ANKRD44: variants seen among roughly 807,000 people sequenced by gnomAD.
ANKRD44 encodes the protein ankyrin repeat domain 44.
A neutral mutation model predicts 116.0 loss-of-function variants in ANKRD44; 35 were observed. That is an observed-to-expected ratio of 0.30 (90% confidence interval 0.23 to 0.40). The LOEUF is 0.40. Ranked by LOEUF, ANKRD44 falls within the 10% of genes least tolerant of loss-of-function variation. The probability of loss-of-function intolerance (pLI) is 1.00; values close to 1 mark genes in which losing one functional copy is unlikely to be tolerated. For missense variants in ANKRD44, 1,014 were observed against 1,242.6 expected (o/e 0.82, Z 2.77); for synonymous variants, 435 against 461.8 (o/e 0.94, Z 0.74).
chr2:197,207,759 G>GA (rs1209654714), intron 1 of ANKRD44, among the ~76,000 whole-genome samples: 2 of 151,954 alleles, frequency 1.3e-5, no homozygotes, highest in Admixed American at 6.5e-5. Context: ...AAATGTTATA[G>GA]AAAAAAGGAA....
chr2:196,998,545 T>A, intron 24 of ANKRD44, 126 bp from the exon 25 acceptor site: 4 of 751,570 alleles, frequency 5.3e-6, no homozygotes, highest in Admixed American at 2.8e-5. Flanking sequence ...TTTAATGTAT[T>A]TAAAGAAAAA....
intron 16 of ANKRD44, among the ~76,000 whole-genome samples, chr2:197,028,198 C>G (rs1476018674): frequency 6.6e-6 from 1 of 151,976 alleles, no homozygotes; most frequent in African/African-American, 2.4e-5. Flanking sequence ...AATTGTTCCC[C>G]TTTATCTTAC....
At position 197,305,219 on chromosome 2, in the gene ANKRD44, A is replaced by G. The variant is rs180806100; in HGVS notation, c.27+5359T>C. Among the ~76,000 whole-genome samples the G allele has an allele frequency of 3.4e-3, 525 of 152,300 alleles. 3 individuals carry two copies. The highest frequency in any genetic ancestry group is 0.034 in the Middle Eastern group (10 of 294). ...CAAAAACAACAACAAAAAACACTTA[A>G]CCAATCACCAGGAGTTTTCTCATAC... On this transcript the variant is annotated intron_variant, in intron 1 of 27. Coordinates refer to ENST00000282272, the MANE Select transcript of ANKRD44 (RefSeq NM_001195144.2).
intron 16 of ANKRD44, among the ~76,000 whole-genome samples, chr2:197,058,380 G>A (rs905516948): frequency 5.5e-5 from 8 of 144,734 alleles, no homozygotes; most frequent in African/African-American, 2.0e-4. Context: ...TGTTCTCCCC[G>A]CATTTAGGCT....
intron 16 of ANKRD44, among the ~76,000 whole-genome samples, chr2:197,026,995 G>GAT (rs1280575924): frequency 6.6e-6 from 1 of 151,862 alleles, no homozygotes; most frequent in African/African-American, 2.4e-5. Context: ...CTGTGAGTGG[G>GAT]ATATATATAG....
At chr2:197,143,614 G>A (rs1416790197) in intron 3 of ANKRD44, among the ~76,000 whole-genome samples, 3 of 151,770 alleles carry the variant, frequency 2.0e-5, no homozygotes, top group African/African-American at 7.3e-5. Flanking sequence ...TGGACATTTG[G>A]GTTGGTTCCA....
intron 9 of ANKRD44, among the ~76,000 whole-genome samples, chr2:197,108,761 C>G (rs970843883): frequency 2.0e-5 from 3 of 152,094 alleles, no homozygotes; most frequent in Non-Finnish European, 4.4e-5. Flanking sequence ...TCGCTTGAAC[C>G]CGAGAGGCAG....
chr2:197,064,755 A>T (rs1215876901), intron 16 of ANKRD44, among the ~76,000 whole-genome samples: 1 of 152,236 alleles, frequency 6.6e-6, no homozygotes, highest in African/African-American at 2.4e-5. Flanking sequence ...AGAGCTAACT[A>T]TCCTAAATAT....
At chr2:197,154,718 A>T (rs2079763738) in intron 2 of ANKRD44, among the ~76,000 whole-genome samples, 1 of 152,180 alleles carries the variant, frequency 6.6e-6, no homozygotes, top group Admixed American at 6.5e-5. Flanking sequence ...CATAAGAGAA[A>T]AATTTAGATT....
In ANKRD44 at chr2:197,121,403, C is replaced by A; in HGVS notation, c.835G>T (p.Ala279Ser). ...AAAGCACCATGAGTGGAGGCAGCAG[C>A]AAAATGCAAAGGGGTGAACCCATTA... ...NNNGFTPLHFAAASTHGALCL... is the reference protein window; with the variant it reads ...NNNGFTPLHFSAASTHGALCL... The change falls in exon 8 of 28, where the codon GCT (alanine) becomes TCT (serine). Residue 279 changes from alanine (A) to serine (S), a missense_variant. Ala to Ser is a moderately conservative substitution (Grantham distance 99). Coordinates refer to ENST00000282272, the MANE Select transcript of ANKRD44 (RefSeq NM_001195144.2). 6.2e-7 allele frequency: 1 copy of A among 1,614,174 alleles called. No homozygotes were observed.
At chr2:197,257,856 A>G (rs1234966122) in intron 1 of ANKRD44, among the ~76,000 whole-genome samples, 2 of 152,148 alleles carry the variant, frequency 1.3e-5, no homozygotes, top group African/African-American at 4.8e-5. Context: ...CCTAGCCCAT[A>G]CTGAAACTCC....
chr2:197,269,097 G>GTTTTTTTTTTT (rs56787193), intron 1 of ANKRD44, among the ~76,000 whole-genome samples: 4 of 151,452 alleles, frequency 2.6e-5, no homozygotes, highest in East Asian at 1.9e-4. Context: ...TTTTGTTTTT[G>GTTTTTTTTTTT]ATCTGGTTGC....
At chr2:197,236,415 C>T (rs1312168530) in intron 1 of ANKRD44, among the ~76,000 whole-genome samples, 1 of 151,982 alleles carries the variant, frequency 6.6e-6, no homozygotes, top group Non-Finnish European at 1.5e-5. Context: ...TGGTAGAGCC[C>T]GGACTCATTT....
chr2:197,078,627 A>T, intron 16 of ANKRD44, 76 bp downstream of exon 16: 1 of 1,565,748 alleles, frequency 6.4e-7, no homozygotes, highest in Non-Finnish European at 8.7e-7. Flanking sequence ...AACTCTGGAA[A>T]AAAACAGTTA....
chr2:197,066,854 A>T (rs9679179), intron 16 of ANKRD44, among the ~76,000 whole-genome samples: 1 of 152,114 alleles, frequency 6.6e-6, no homozygotes, highest in Admixed American at 6.5e-5. Flanking sequence ...AATGGCCATA[A>T]TGCCCAAGGT....
At chr2:197,019,093 A>G (rs2125932331) in intron 17 of ANKRD44, among the ~76,000 whole-genome samples, 3 of 152,342 alleles carry the variant, frequency 2.0e-5, no homozygotes, top group Middle Eastern at 6.8e-3. Context: ...AGACAAAATA[A>G]TGGTGACAGA....
At chr2:197,006,113 C>T (rs548008462) in intron 20 of ANKRD44, among the ~76,000 whole-genome samples, 3 of 151,986 alleles carry the variant, frequency 2.0e-5, no homozygotes, top group South Asian at 2.1e-4. Context: ...TCAGCATTTT[C>T]GAAATATCTC....
At chr2:197,127,345 A>G (rs1378332043) in intron 4 of ANKRD44, among the ~76,000 whole-genome samples, 1 of 152,212 alleles carries the variant, frequency 6.6e-6, no homozygotes, top group African/African-American at 2.4e-5. Context: ...GAAATTTAAT[A>G]TAATATTTTG....
chr2:197,246,787 G>A (rs541796433), intron 1 of ANKRD44, among the ~76,000 whole-genome samples: 34 of 152,166 alleles, frequency 2.2e-4, no homozygotes, highest in South Asian at 8.3e-4. Context: ...TATGAGGTAC[G>A]TACAATATTA....
Sources: allele counts gnomAD v4.1 joint callset (sites outside exome capture counted in the v4.1 genomes callset), GRCh38; gene constraint gnomAD v4.1.1; transcripts MANE v1.5; gene names NCBI Gene and HGNC (gene_info 2026-07-23, HGNC 2026-07-21).